The following DIP2C variants were observed in gnomAD, a reference collection of about 807,000 sequenced individuals.
The protein encoded by DIP2C is DIP2 acetate--CoA ligase C (putative), also known as disco-interacting protein 2 homolog C.
A neutral mutation model predicts 192.4 loss-of-function variants in DIP2C; 33 were observed. The observed-to-expected ratio is 0.17, with a 90% confidence interval of 0.13 to 0.23. The LOEUF is 0.23. DIP2C is among the 10% of genes least tolerant of loss of function. The pLI is 1.00. For synonymous variants in DIP2C, 979 were observed against 864.1 expected, an observed-to-expected ratio of 1.13 and a Z score of -2.33; for missense variants, 1,537 against 2,110.1, an observed-to-expected ratio of 0.73 and a Z score of 5.32.
intron 2 of DIP2C, among the ~76,000 whole-genome samples, chr10:473,680 G>T (rs1970834110): frequency 6.6e-6 from 1 of 152,262 alleles, no homozygotes; most frequent in Admixed American, 6.5e-5. Flanking sequence ...CGTCCCCACA[G>T]TTCCATGAAG....
intron 1 of DIP2C, among the ~76,000 whole-genome samples, chr10:585,389 C>G (rs1190429166): frequency 6.6e-6 from 1 of 152,238 alleles, no homozygotes; most frequent in East Asian, 1.9e-4. Flanking sequence ...ACACACAGCC[C>G]TGAGTATTCC....
intron 3 of DIP2C, among the ~76,000 whole-genome samples, chr10:449,633 G>A: frequency 7.4e-6 from 1 of 135,332 alleles, no homozygotes; most frequent in African/African-American, 2.7e-5. Context: ...GACTGTGGTG[G>A]GGTCGGGGGA....
rs1364953231 is a variant in DIP2C at position 274,661 on chromosome 10, CA to C, written c.*2663del. The stretch of plus-strand genomic sequence containing the variant: ...CCACACTCTGAAATAACGCTGCTAA[CA>C]TTCAACTGATAAAAGGGACCATCTC... On this transcript the variant is annotated 3_prime_UTR_variant, in exon 37 of 37. Transcript: ENST00000280886. The C allele has an allele frequency of 1.3e-5, 2 of 152,282 alleles. No homozygotes were observed. Among genetic ancestry groups the C allele is most frequent in the East Asian group, 3.9e-4 (2 of 5,184 alleles). The allele number at this position is 152,282 out of a possible 1,614,324, so 9.4% of individuals were successfully genotyped here.
intron 8 of DIP2C, among the ~76,000 whole-genome samples, chr10:411,068 G>A (rs1231441566): frequency 3.9e-5 from 6 of 152,198 alleles, no homozygotes; most frequent in East Asian, 1.9e-4. Flanking sequence ...GGAAGGAGGC[G>A]GGAGCTTGAG....
At chr10:341,355 C>T (rs975245575) in intron 28 of DIP2C, 26 bp from the exon 29 acceptor site, 27 of 1,612,396 alleles carry the variant, frequency 1.7e-5, no homozygotes, top group Admixed American at 5.0e-5. Context: ...CTGTGTTAAA[C>T]GCATCGGACC....
At chr10:301,519 C>T (rs1280671545) in intron 32 of DIP2C, among the ~76,000 whole-genome samples, 4 of 152,092 alleles carry the variant, frequency 2.6e-5, no homozygotes, top group Admixed American at 1.3e-4. Context: ...AAAGGTTTAA[C>T]GTTACACTGA....
At chr10:599,932 C>CA (rs1851947766) in intron 1 of DIP2C, among the ~76,000 whole-genome samples, 1 of 152,158 alleles carries the variant, frequency 6.6e-6, no homozygotes, top group African/African-American at 2.4e-5. Flanking sequence ...CTCCTGTGTA[C>CA]ACCTCAAGAG....
intron 32 of DIP2C, among the ~76,000 whole-genome samples, chr10:298,698 T>TG (rs975761654): frequency 3.9e-5 from 6 of 152,208 alleles, no homozygotes; most frequent in African/African-American, 1.4e-4. Context: ...CACAGAGAGC[T>TG]GATCCATCTG....
rs75417784 is a variant in DIP2C, at chr10:398,640, C to T, written c.1260+469G>A. Among the ~76,000 whole-genome samples, 355 of 152,258 alleles carry T rather than the reference C, an allele frequency of 2.3e-3. 1 individual carries two copies. The highest frequency in any genetic ancestry group is 0.014 in the Middle Eastern group (4 of 294). On this transcript the variant is annotated intron_variant, in intron 10 of 36. Transcript: ENST00000280886. ...GTCTCAAATACTTTTTGATTGACAA[C>T]GCACATTAATTTCTTTACATTGGAT... is the stretch of plus-strand genomic sequence containing the variant.
chr10:415,179 A>C (rs1589739332), intron 7 of DIP2C, among the ~76,000 whole-genome samples: 1 of 152,142 alleles, frequency 6.6e-6, no homozygotes, highest in Non-Finnish European at 1.5e-5. Context: ...AATGGAAATT[A>C]TCTCTTCCAT....
At chr10:388,848 T>C (rs1589680349) in intron 13 of DIP2C, among the ~76,000 whole-genome samples, 1 of 152,136 alleles carries the variant, frequency 6.6e-6, no homozygotes, top group Non-Finnish European at 1.5e-5. Context: ...GCCGCAGCGG[T>C]GCCCTGTCAG....
chr10:685,352 C>G (rs895009706), intron 1 of DIP2C, among the ~76,000 whole-genome samples: 1 of 151,912 alleles, frequency 6.6e-6, no homozygotes, highest in Non-Finnish European at 1.5e-5. Flanking sequence ...CTGAAGGAAT[C>G]GGCTACATTA....
chr10:459,935 C>CCT (rs886161180), intron 3 of DIP2C, among the ~76,000 whole-genome samples: 1 of 146,716 alleles, frequency 6.8e-6, no homozygotes, highest in Non-Finnish European at 1.5e-5. Context: ...GAACCAACCA[C>CCT]CTGCTGCACG....
At chr10:493,367 A>C (rs76338795) in intron 1 of DIP2C, among the ~76,000 whole-genome samples, 2,427 of 152,282 alleles carry the variant, frequency 0.016, 66 homozygotes, top group African/African-American at 0.055. Context: ...CTTTCCCATG[A>C]CATTGATTCT....
At chr10:350,282 T>TC (rs1186540158) in intron 24 of DIP2C, among the ~76,000 whole-genome samples, 1 of 152,184 alleles carries the variant, frequency 6.6e-6, no homozygotes, top group Non-Finnish European at 1.5e-5. Context: ...AGATGGGGTC[T>TC]CCCTACATTG....
In DIP2C at chr10:348,728, C is replaced by T. The variant is rs780169384; in HGVS notation, c.3144G>A (p.Leu1048=). Residue 1048 remains leucine (L), a synonymous_variant, in exon 26 of 37, where the codon CTG becomes CTA. Transcript: ENST00000280886. ...IDLIAAFYGC[L]YAGCVPITVR... ...CGGTTATTGGCACACAGCCTGCGTA[C>T]AGGCAACCATAAAACGCTGCTATCA... 4 of 1,613,796 alleles carry T rather than the reference C, an allele frequency of 2.5e-6. No homozygotes were observed. The highest frequency in any genetic ancestry group is 2.5e-6 in the Non-Finnish European group (3 of 1,179,932).
intron 3 of DIP2C, among the ~76,000 whole-genome samples, chr10:451,403 T>C (rs1462387989): frequency 6.6e-6 from 1 of 152,214 alleles, no homozygotes; most frequent in Admixed American, 6.5e-5. Context: ...AATAATCATG[T>C]GGTCTCTCGC....
chr10:447,710 C>T (rs1469372300), intron 3 of DIP2C, among the ~76,000 whole-genome samples: 41 of 120,948 alleles, frequency 3.4e-4, no homozygotes, highest in Admixed American at 2.4e-3. Context: ...CAGCAGGACC[C>T]GCTCACTCCC....
intron 31 of DIP2C, among the ~76,000 whole-genome samples, chr10:314,963 T>C (rs990566530): frequency 2.0e-5 from 3 of 152,246 alleles, no homozygotes; most frequent in African/African-American, 7.2e-5. Flanking sequence ...CACGTCCTTA[T>C]TGGTGCGATT....
Sources: gnomAD v4.1 joint callset for allele counts (sites outside exome capture counted in the v4.1 genomes callset) on GRCh38, gnomAD v4.1.1 for gene constraint, MANE v1.5 for transcripts, NCBI Gene and HGNC (gene_info 2026-07-23, HGNC 2026-07-21) for gene names.